The following SLC25A23 variants were observed in gnomAD, a reference collection of about 807,000 sequenced individuals.
SLC25A23 encodes mitochondrial adenyl nucleotide antiporter SLC25A23.
SLC25A23 carries 32 observed loss-of-function variants against 53.9 expected under a neutral mutation model. The observed-to-expected ratio is 0.59, with a 90% CI of 0.45 to 0.80. The LOEUF (loss-of-function observed/expected upper bound fraction) is 0.80, where lower values mean the gene tolerates loss of function less well. Among genes scored for constraint, SLC25A23 ranks in the 30% least tolerant of loss-of-function variants. The probability of loss-of-function intolerance (pLI) is 0.00; values close to 1 mark genes in which losing one functional copy is unlikely to be tolerated. For missense variants in SLC25A23, 575 were observed against 651.4 expected, an observed-to-expected ratio of 0.88 and a Z score of 1.28; for synonymous variants, 275 against 264.5, an observed-to-expected ratio of 1.04 and a Z score of -0.38.
chr19:6,441,513 C>T lies in SLC25A23; in HGVS notation c.*462G>A. ...TGGTTGGGGTGTTGGGATCCATTCA[C>T]TGATTTGTGTGGGATCCAGTGGTTA... On this transcript the variant is annotated 3_prime_UTR_variant, in exon 10 of 10. Coordinates refer to ENST00000301454, the MANE Select transcript of SLC25A23 (RefSeq NM_024103.3). 5.8e-6 allele frequency: 1 copy of T among 172,886 alleles called. No homozygotes were observed. The highest frequency in any genetic ancestry group is 1.3e-5 in the Non-Finnish European group (1 of 79,518). 10.7% of individuals were successfully genotyped at this position (172,886 alleles called of 1,614,324 possible).
chr19:6,436,188 C>A (rs80298997), downstream of SLC25A23: 1 of 264,688 alleles, frequency 3.8e-6, no homozygotes, highest in East Asian at 8.2e-5. Context: ...CACCCATATT[C>A]TGAGCATTAG....
chr19:6,448,667 C>T (rs551969118), intron 8 of SLC25A23, among the ~76,000 whole-genome samples: 6 of 150,780 alleles, frequency 4.0e-5, no homozygotes, highest in Admixed American at 1.3e-4. Context: ...AATGGGGTTT[C>T]ACCATGTTGG....
rs761545436 is a variant in SLC25A23, at chr19:6,459,557, G to A, written c.72C>T (p.Asn24=). ...CGTGCACGTCCACGCGGCCATCCTT[G>A]TTACTGTCCAGCTCCTCGAACAGGC... ...WGRLFEELDS[N]KDGRVDVHEL... The change falls in exon 1 of 10, where the codon AAC becomes AAT. Residue 24 remains asparagine (N), a synonymous_variant. Transcript: ENST00000301454. This position sits in a 1 kb window ranked among gnomAD's most constrained non-coding sequence, Gnocchi z 4.6. 6.3e-7 allele frequency: 1 copy of A among 1,597,678 alleles called. No individual in the cohort carries two copies. The highest frequency in any genetic ancestry group is 8.5e-7 in the Non-Finnish European group (1 of 1,176,724).
chr19:6,436,442 G>T (rs1000699920), downstream of SLC25A23: 20 of 455,902 alleles, frequency 4.4e-5, no homozygotes, highest in Non-Finnish European at 7.9e-5. Context: ...TCTCCATAAG[G>T]CTGCTCATGG....
At chr19:6,457,188 C>T (rs1203327215) in intron 3 of SLC25A23, among the ~76,000 whole-genome samples, 1 of 151,860 alleles carries the variant, frequency 6.6e-6, no homozygotes, top group East Asian at 1.9e-4. Flanking sequence ...GCCTCAGCCT[C>T]CCCAAGTAGC....
At chr19:6,449,635 C>T (rs910720339) in intron 8 of SLC25A23, among the ~76,000 whole-genome samples, 25 of 151,126 alleles carry the variant, frequency 1.7e-4, no homozygotes, top group Middle Eastern at 3.2e-3. Context: ...AGGATGGTCT[C>T]GATCTCTTGA....
At chr19:6,439,998 C>T (rs2092395771), downstream of SLC25A23, 1 of 152,204 alleles carries the variant, frequency 6.6e-6, no homozygotes. Flanking sequence ...CCCCTTGTCC[C>T]TTCCCTAGGG....
In SLC25A23 at chr19:6,457,642, G is replaced by T. The variant is rs759700688; in HGVS notation, c.284-52C>A. 11 of 1,498,232 alleles carry T rather than the reference G, an allele frequency of 7.3e-6. No homozygotes were observed. The East Asian group carries it at 2.5e-4, about 34-fold the overall frequency. 92.8% of individuals were successfully genotyped at this position (1,498,232 alleles called of 1,614,324 possible). ...GGATGTGCGTGTGAGGACACCTGGG[G>T]AACCCCAGGACCAAGGATCAGAACA... On this transcript the variant is annotated intron_variant, in intron 2 of 9. Transcript: ENST00000301454.
rs200163338 is a variant in SLC25A23 at position 6,452,524 on chromosome 19, C to T, written c.904-45G>A. 557 of 1,569,508 alleles carry T rather than the reference C, an allele frequency of 3.5e-4. 1 individual carries two copies. Among genetic ancestry groups the T allele is most frequent in the African/African-American group, 2.6e-3 (188 of 73,612 alleles). ...CCCTGGAAAAGCTGTCCCACCAAAT[C>T]GCTACATCCAGGAATGAAGACACCT... On this transcript the variant is annotated intron_variant, in intron 7 of 9. Coordinates refer to ENST00000301454, the MANE Select transcript of SLC25A23 (RefSeq NM_024103.3).
intron 8 of SLC25A23, among the ~76,000 whole-genome samples, chr19:6,446,721 A>G (rs932825588): frequency 5.3e-5 from 8 of 152,208 alleles, no homozygotes; most frequent in African/African-American, 1.7e-4. Flanking sequence ...AACTTGCTTG[A>G]TAACATACTG....
intron 3 of SLC25A23, 82 bp downstream of exon 3, chr19:6,457,421 G>C: frequency 7.9e-7 from 1 of 1,266,960 alleles, no homozygotes; most frequent in South Asian, 1.2e-5. Flanking sequence ...CTTGGGACTG[G>C]GTCTGGAGCC....
chr19:6,459,160 C>T lies in SLC25A23; in HGVS notation c.156+313G>A, dbSNP rs1258777047. ...AGAGCAGGGCACGTCATGGGCTGTG[C>T]AGTCTGGAGGAGGGTGTGTCCCGGG... On this transcript the variant is annotated intron_variant, in intron 1 of 9. Coordinates refer to ENST00000301454, the MANE Select transcript of SLC25A23 (RefSeq NM_024103.3). The surrounding 1 kb of genome is among the most constrained non-coding windows in gnomAD (Gnocchi z 4.6). Among the ~76,000 whole-genome samples the T allele has an allele frequency of 6.6e-6, 1 of 152,132 alleles. No homozygotes were observed. The highest frequency in any genetic ancestry group is 1.5e-5 in the Non-Finnish European group (1 of 68,006).
At chr19:6,448,172 G>C (rs1284690457) in intron 8 of SLC25A23, among the ~76,000 whole-genome samples, 3 of 152,148 alleles carry the variant, frequency 2.0e-5, no homozygotes, top group Non-Finnish European at 4.4e-5. Flanking sequence ...TTGCGGCTGG[G>C]AGAGGCTTAT....
At position 6,454,001 on chromosome 19, in the gene SLC25A23, T is replaced by C. The variant is rs2092635104; in HGVS notation, c.883A>G (p.Thr295Ala). Reference protein sequence around the residue: ...AGSLAGATAQTIIYPMEVLKT... With the variant: ...AGSLAGATAQAIIYPMEVLKT... The stretch of plus-strand genomic sequence containing the variant: ...CTCACCTCCATAGGGTAAATGATGG[T>C]TTGGGCTGTGGCACCAGCCAGGGAG... The change falls in exon 7 of 10, where the codon ACC becomes GCC. Residue 295 changes from threonine to alanine, a missense_variant. Coordinates refer to ENST00000301454, the MANE Select transcript of SLC25A23 (RefSeq NM_024103.3). This position sits in a 1 kb window ranked among gnomAD's most constrained non-coding sequence, Gnocchi z 4.3. 2 of 1,613,028 alleles carry C rather than the reference T, an allele frequency of 1.2e-6. No individual in the cohort carries two copies. Among genetic ancestry groups the C allele is most frequent in the Non-Finnish European group, 1.7e-6 (2 of 1,179,880 alleles).
intron 7 of SLC25A23, among the ~76,000 whole-genome samples, chr19:6,453,562 A>G (rs2092625786): frequency 6.6e-6 from 1 of 152,146 alleles, no homozygotes; most frequent in South Asian, 2.1e-4. Flanking sequence ...GTTTTCTGTC[A>G]CTTTCAGAAT....
chr19:6,439,399 T>TCACACA (rs57370920), downstream of SLC25A23, among the ~76,000 whole-genome samples: 1,393 of 124,078 alleles, frequency 0.011, 16 homozygotes, highest in East Asian at 0.034. Flanking sequence ...TCTCTCTCTC[T>TCACACA]CACACACACA....
chr19:6,456,114 G>A (rs1417614095), intron 4 of SLC25A23: 2 of 1,409,772 alleles, frequency 1.4e-6, no homozygotes, highest in African/African-American at 1.4e-5. Flanking sequence ...GAAGGTGGGA[G>A]GCCTTGTACC....
chr19:6,454,851 C>T lies in SLC25A23; in HGVS notation c.484-134G>A, dbSNP rs1444073155. ...GCCAATGACTCTTGCTTGGAGACCCCAGAAGAGTCCTGTTGGGTCCTACCA... is the reference window on the plus strand; with the variant it reads ...GCCAATGACTCTTGCTTGGAGACCCTAGAAGAGTCCTGTTGGGTCCTACCA... On this transcript the variant is annotated intron_variant, in intron 4 of 9. Transcript: ENST00000301454. This position sits in a 1 kb window ranked among gnomAD's most constrained non-coding sequence, Gnocchi z 4.3. 9.5e-7 allele frequency: 1 copy of T among 1,050,222 alleles called. No individual in the cohort carries two copies. Among genetic ancestry groups the T allele is most frequent in the Non-Finnish European group, 1.4e-6 (1 of 733,658 alleles). The allele number at this position is 1,050,222 out of a possible 1,614,324, so 65.1% of individuals were successfully genotyped here.
At chr19:6,446,504 G>A (rs952658863) in intron 8 of SLC25A23, among the ~76,000 whole-genome samples, 1 of 152,174 alleles carries the variant, frequency 6.6e-6, no homozygotes. Flanking sequence ...GACTTTGCTT[G>A]TGGACTTTCT....
Sources: allele counts gnomAD v4.1 joint callset (sites outside exome capture counted in the v4.1 genomes callset), GRCh38; gene constraint gnomAD v4.1.1; non-coding constraint Gnocchi (gnomAD v3.1); transcripts MANE v1.5; gene names NCBI Gene and HGNC (gene_info 2026-07-23, HGNC 2026-07-21).